The following ADAM29 variants were observed in gnomAD, a reference collection of about 807,000 sequenced individuals.
ADAM29 encodes ADAM metallopeptidase domain 29.
For missense variants in ADAM29, 969 were observed against 1,001.8 expected (o/e 0.97, Z 0.44); for synonymous variants, 367 against 342.3 (o/e 1.07, Z -0.80).
chr4:174,953,356 T>G (rs907843106), intron 4 of ADAM29, among the ~76,000 whole-genome samples: 10 of 152,250 alleles, frequency 6.6e-5, no homozygotes, highest in Non-Finnish European at 1.5e-4. Flanking sequence ...CTTACTTATT[T>G]TTCAATAAAT....
chr4:174,946,222 T>C (rs1744841306), intron 4 of ADAM29, among the ~76,000 whole-genome samples: 1 of 152,150 alleles, frequency 6.6e-6, no homozygotes. Flanking sequence ...TCATTAGCTG[T>C]ATTACTAGGT....
intron 4 of ADAM29, among the ~76,000 whole-genome samples, chr4:174,960,256 G>T (rs1014150170): frequency 7.3e-5 from 11 of 151,424 alleles, no homozygotes; most frequent in African/African-American, 2.7e-4. Context: ...AATAAACTTT[G>T]GTCTGTTAAT....
chr4:174,976,740 TGAA>T lies in ADAM29; in HGVS notation c.1220_1222del (p.Glu407del), dbSNP rs753149164. 2.5e-6 allele frequency: 4 copies of T among 1,613,972 alleles called. No individual in the cohort carries two copies. Among genetic ancestry groups the T allele is most frequent in the Non-Finnish European group, 3.4e-6 (4 of 1,179,924 alleles). On this transcript the variant is annotated inframe_deletion, in exon 5 of 5. Transcript: ENST00000359240. ...TGAAGCGCTGTGGGAATGGTGTTGT[TGAA>T]GAAGGAGAAGAGTGTGACTGTGGAC...
At chr4:174,929,585 C>T (rs1743728096) in intron 2 of ADAM29, among the ~76,000 whole-genome samples, 1 of 152,082 alleles carries the variant, frequency 6.6e-6, no homozygotes, top group African/African-American at 2.4e-5. Context: ...CTAAGCTCCT[C>T]CCTGCTGCAA....
chr4:174,962,312 C>T (rs1241976329), intron 4 of ADAM29, among the ~76,000 whole-genome samples: 3 of 151,948 alleles, frequency 2.0e-5, no homozygotes, highest in African/African-American at 4.8e-5. Flanking sequence ...GAAATCAAGA[C>T]CATCCTGGCT....
At chr4:174,921,058 T>G (rs530458197) in intron 2 of ADAM29, among the ~76,000 whole-genome samples, 1 of 152,226 alleles carries the variant, frequency 6.6e-6, no homozygotes, top group African/African-American at 2.4e-5. Flanking sequence ...AATATTATAC[T>G]ATGCCAGTCT....
chr4:174,939,621 A>G (rs1156304989), intron 4 of ADAM29, among the ~76,000 whole-genome samples: 1 of 152,192 alleles, frequency 6.6e-6, no homozygotes, highest in Non-Finnish European at 1.5e-5. Flanking sequence ...ATGTAAAATA[A>G]TTTATAATAT....
Position 174,977,415 on chromosome 4 carries a change from T to C in ADAM29, c.1890T>C (p.Cys630=). The change falls in exon 5 of 5, where the codon TGT becomes TGC. Residue 630 remains cysteine (C), a synonymous_variant. Coordinates refer to ENST00000359240, the MANE Select transcript of ADAM29 (RefSeq NM_014269.4). ...ATAGTAATTGCTCACCTGCATTTTG[T>C]AACAAGAGGGGCATCTGCAACAATA... The part of the protein sequence containing the change: ...ILNSNCSPAF[C]NKRGICNNKH... 6.2e-7 allele frequency: 1 copy of C among 1,613,992 alleles called. No individual in the cohort carries two copies. Among genetic ancestry groups the C allele is most frequent in the Non-Finnish European group, 8.5e-7 (1 of 1,179,970 alleles).
chr4:174,956,012 G>T (rs1745477270), intron 4 of ADAM29, among the ~76,000 whole-genome samples: 4 of 151,958 alleles, frequency 2.6e-5, no homozygotes, highest in African/African-American at 9.7e-5. Flanking sequence ...TTGTGCTCAG[G>T]ACAGACTATA....
At chr4:174,920,462 A>G (rs1043604249) in intron 1 of ADAM29, among the ~76,000 whole-genome samples, 1 of 152,050 alleles carries the variant, frequency 6.6e-6, no homozygotes, top group Non-Finnish European at 1.5e-5. Flanking sequence ...CCCCCTAACC[A>G]CTGCTTCCTG....
chr4:174,947,674 T>C (rs905725213), intron 4 of ADAM29, among the ~76,000 whole-genome samples: 1 of 152,212 alleles, frequency 6.6e-6, no homozygotes, highest in East Asian at 1.9e-4. Flanking sequence ...ATGGTCAATA[T>C]TAGAGTGTGT....
At chr4:174,929,567 A>G (rs953849790) in intron 2 of ADAM29, among the ~76,000 whole-genome samples, 2 of 152,106 alleles carry the variant, frequency 1.3e-5, no homozygotes, top group African/African-American at 2.4e-5. Flanking sequence ...ACACAGGAAG[A>G]GGAGGGGCTA....
intron 4 of ADAM29, among the ~76,000 whole-genome samples, chr4:174,946,349 A>G (rs1744850986): frequency 6.6e-6 from 1 of 152,158 alleles, no homozygotes; most frequent in African/African-American, 2.4e-5. Flanking sequence ...TCTGTTTTGT[A>G]TCCTGAAACT....
chr4:174,932,344 A>C (rs1743934575), intron 3 of ADAM29, among the ~76,000 whole-genome samples: 1 of 152,192 alleles, frequency 6.6e-6, no homozygotes, highest in African/African-American at 2.4e-5. Context: ...AATGGGGAGA[A>C]AGTATAATCA....
rs142907353 is a variant in ADAM29 at position 174,948,676 on chromosome 4, G to A, written c.-181+11663G>A. Among the ~76,000 whole-genome samples, 721 of 152,286 alleles carry A rather than the reference G, an allele frequency of 4.7e-3. 5 individuals are homozygous for A. The highest frequency in any genetic ancestry group is 0.017 in the African/African-American group (692 of 41,550). ...CCAGCAGCTGCAGCAGCATGGTGGG[G>A]TGCATGCATGTTGGCTGGGCAAGGG... On this transcript the variant is annotated intron_variant, in intron 4 of 4. Coordinates refer to ENST00000359240, the MANE Select transcript of ADAM29 (RefSeq NM_014269.4).
chr4:174,924,633 AGAAAT>A (rs1743389724), intron 2 of ADAM29, among the ~76,000 whole-genome samples: 1 of 152,240 alleles, frequency 6.6e-6, no homozygotes, highest in Non-Finnish European at 1.5e-5. Context: ...AGTGATAAAA[AGAAAT>A]GAACCATTAA....
At position 174,922,157 on chromosome 4, in the gene ADAM29, C is replaced by A. The variant is rs1743198596; in HGVS notation, c.-451+1365C>A. On this transcript the variant is annotated intron_variant, in intron 2 of 4. Transcript: ENST00000359240. ...ATAAAATTCAAATAAAGGTCTGTCA[C>A]CAGGAACATTAATAAGCATAATGTA... Among the ~76,000 whole-genome samples, 4 of 152,182 alleles carry A rather than the reference C, an allele frequency of 2.6e-5. No homozygotes were observed. In the South Asian group the frequency reaches 8.3e-4, roughly 32 times the overall value.
At chr4:174,923,431 TA>T (rs1743282418) in intron 2 of ADAM29, among the ~76,000 whole-genome samples, 2 of 150,730 alleles carry the variant, frequency 1.3e-5, no homozygotes, top group Admixed American at 6.6e-5. Flanking sequence ...GAGTGCCCCA[TA>T]AGCTGTTAGG....
chr4:174,939,338 G>T (rs978635614), intron 4 of ADAM29, among the ~76,000 whole-genome samples: 9 of 152,152 alleles, frequency 5.9e-5, no homozygotes, highest in African/African-American at 1.9e-4. Context: ...GCTAAGAAGA[G>T]ACTTTAATTA....
Sources: gnomAD v4.1 joint callset for allele counts (sites outside exome capture counted in the v4.1 genomes callset) on GRCh38, gnomAD v4.1.1 for gene constraint, MANE v1.5 for transcripts, NCBI Gene and HGNC (gene_info 2026-07-23, HGNC 2026-07-21) for gene names.